The following NFIA variants were observed in gnomAD, a reference collection of about 807,000 sequenced individuals.
NFIA encodes nuclear factor 1 A-type.
NFIA carries 8 observed loss-of-function variants against 62.8 expected under a neutral mutation model. The observed-to-expected ratio is 0.13, with a 90% confidence interval of 0.07 to 0.23. The LOEUF (loss-of-function observed/expected upper bound fraction) is 0.23, where lower values mean the gene tolerates loss of function less well. Ranked by LOEUF, NFIA falls within the 10% of genes least tolerant of loss-of-function variation. NFIA has a pLI of 1.00. For missense variants in NFIA, 410 were observed against 642.1 expected, an observed-to-expected ratio of 0.64 and a Z score of 3.91; for synonymous variants, 235 against 238.1, an observed-to-expected ratio of 0.99 and a Z score of 0.12.
At chr1:61,425,735 T>C (rs985038700) in intron 9 of NFIA, among the ~76,000 whole-genome samples, 4 of 152,202 alleles carry the variant, frequency 2.6e-5, no homozygotes, top group African/African-American at 9.7e-5. Context: ...AAAACTTCCA[T>C]GAACCAAGAA....
At chr1:61,407,920 C>T (rs1162252458) in intron 9 of NFIA, among the ~76,000 whole-genome samples, 1 of 152,090 alleles carries the variant, frequency 6.6e-6, no homozygotes, top group Non-Finnish European at 1.5e-5. Context: ...GCTTCCTTAC[C>T]TTCAGTATTG....
At chr1:61,343,482 G>A (rs560487015) in intron 4 of NFIA, among the ~76,000 whole-genome samples, 1 of 152,254 alleles carries the variant, frequency 6.6e-6, no homozygotes, top group South Asian at 2.1e-4. Flanking sequence ...CTGTGTTAGC[G>A]GATGCCTTTC....
intron 2 of NFIA, among the ~76,000 whole-genome samples, chr1:61,269,218 TAAAA>T (rs879632480): frequency 7.2e-6 from 1 of 138,298 alleles, no homozygotes; most frequent in Non-Finnish European, 1.6e-5. Flanking sequence ...GTATAGAATT[TAAAA>T]AAAAAAAAAA....
chr1:61,140,581 A>G (rs1178510386), intron 2 of NFIA, among the ~76,000 whole-genome samples: 2 of 152,116 alleles, frequency 1.3e-5, no homozygotes, highest in Non-Finnish European at 2.9e-5. Flanking sequence ...AATTCTATTT[A>G]TAAAATAGCC....
At chr1:61,129,083 C>T (rs1439887148) in intron 2 of NFIA, among the ~76,000 whole-genome samples, 10 of 151,472 alleles carry the variant, frequency 6.6e-5, no homozygotes, top group Non-Finnish European at 1.2e-4. Context: ...CCACCACGCC[C>T]GGCTAATTTT....
chr1:61,275,311 A>C (rs1035411364), intron 2 of NFIA, among the ~76,000 whole-genome samples: 1 of 152,144 alleles, frequency 6.6e-6, no homozygotes, highest in Admixed American at 6.6e-5. Flanking sequence ...GTTTTCTATT[A>C]TTATGCTATG....
intron 6 of NFIA, 108 bp downstream of exon 6, chr1:61,359,382 A>G (rs1271601271): frequency 1.3e-6 from 2 of 1,495,106 alleles, no homozygotes; most frequent in South Asian, 2.5e-5. Context: ...AAGGTAGTTC[A>G]CTTTTTCAGG....
intron 2 of NFIA, among the ~76,000 whole-genome samples, chr1:61,128,568 G>T (rs1252059879): frequency 6.6e-6 from 1 of 152,052 alleles, no homozygotes; most frequent in African/African-American, 2.4e-5. Context: ...ACCCCAACCT[G>T]GGTGACAGAG....
At chr1:61,268,172 C>G (rs902655403) in intron 2 of NFIA, among the ~76,000 whole-genome samples, 1 of 152,188 alleles carries the variant, frequency 6.6e-6, no homozygotes, top group Non-Finnish European at 1.5e-5. Flanking sequence ...TTCTCAAATG[C>G]TTCAAGGGGA....
At chr1:61,148,253 G>C (rs897761254) in intron 2 of NFIA, among the ~76,000 whole-genome samples, 1 of 152,092 alleles carries the variant, frequency 6.6e-6, no homozygotes, top group Non-Finnish European at 1.5e-5. Flanking sequence ...TGGTCCCTGC[G>C]TACCTCTGTA....
chr1:61,452,050 G>A (rs1440455166), intron 10 of NFIA, among the ~76,000 whole-genome samples: 1 of 152,140 alleles, frequency 6.6e-6, no homozygotes, highest in African/African-American at 2.4e-5. Context: ...AACTTGTACT[G>A]CTTGCATAAT....
chr1:61,269,992 G>A (rs1457604059), intron 2 of NFIA, among the ~76,000 whole-genome samples: 1 of 152,200 alleles, frequency 6.6e-6, no homozygotes, highest in African/African-American at 2.4e-5. Flanking sequence ...ACGGCAAGCT[G>A]AGATTTACAT....
chr1:61,162,339 T>A (rs1649272027), intron 2 of NFIA, among the ~76,000 whole-genome samples: 1 of 152,190 alleles, frequency 6.6e-6, no homozygotes, highest in Non-Finnish European at 1.5e-5. Flanking sequence ...ATTGGCCACA[T>A]TTTGAGAAGC....
rs1166384563 is a variant in NFIA at position 61,082,831 on chromosome 1, G to A, written c.27+13G>A. The A allele has an allele frequency of 3.2e-6, 5 of 1,548,720 alleles. No homozygotes were observed. The African/African-American group carries it at 6.9e-5, about 21-fold the overall frequency. On this transcript the variant is annotated intron_variant, in intron 1 of 10. Transcript: ENST00000403491. ...CTGTCTCACCCAGGTAAGCCGCGGCGTGGATGCGGAGGGCTTGGGGGCCGG... is the reference window on the plus strand; with the variant it reads ...CTGTCTCACCCAGGTAAGCCGCGGCATGGATGCGGAGGGCTTGGGGGCCGG...
chr1:61,134,302 A>G (rs912021259), intron 2 of NFIA, among the ~76,000 whole-genome samples: 5 of 148,808 alleles, frequency 3.4e-5, no homozygotes, highest in African/African-American at 1.2e-4. Flanking sequence ...AAAATCCTTT[A>G]TCTCTTTGCT....
intron 10 of NFIA, among the ~76,000 whole-genome samples, chr1:61,442,695 G>C (rs1569891415): frequency 6.6e-6 from 1 of 151,942 alleles, no homozygotes; most frequent in Admixed American, 6.6e-5. Context: ...AAAGAAAGAA[G>C]AAAAAATACA....
chr1:61,261,972 A>G (rs1480491928), intron 2 of NFIA, among the ~76,000 whole-genome samples: 2 of 152,228 alleles, frequency 1.3e-5, no homozygotes, highest in African/African-American at 4.8e-5. Flanking sequence ...ATTTTAAAAC[A>G]GAAATAGAAA....
intron 2 of NFIA, among the ~76,000 whole-genome samples, chr1:61,235,396 G>A (rs1654931707): frequency 6.6e-6 from 1 of 151,584 alleles, no homozygotes; most frequent in African/African-American, 2.4e-5. Context: ...CCGGGAGGCG[G>A]AGGTTGCAGT....
intron 3 of NFIA, among the ~76,000 whole-genome samples, chr1:61,303,479 C>A (rs910499250): frequency 5.9e-5 from 9 of 152,226 alleles, no homozygotes; most frequent in Middle Eastern, 6.8e-3. Context: ...GCAATGATGG[C>A]CACAAACACA....
Sources: gnomAD v4.1 joint callset for allele counts (sites outside exome capture counted in the v4.1 genomes callset) on GRCh38, gnomAD v4.1.1 for gene constraint, MANE v1.5 for transcripts, NCBI Gene and HGNC (gene_info 2026-07-23, HGNC 2026-07-21) for gene names.